Variants in TRIM44 observed in about 807,000 individuals in gnomAD.
TRIM44 encodes the protein tripartite motif-containing protein 44.
A neutral mutation model predicts 37.4 loss-of-function variants in TRIM44; 13 were observed. That is an observed-to-expected ratio of 0.35 (90% confidence interval 0.23 to 0.55). The LOEUF is 0.55. Among genes scored for constraint, TRIM44 ranks in the 20% least tolerant of loss-of-function variants. The pLI, the probability that TRIM44 is intolerant of heterozygous loss-of-function variation, is 0.89. For synonymous variants in TRIM44, 175 were observed against 157.2 expected (o/e 1.11, Z -0.85); for missense variants, 426 against 437.2 (o/e 0.97, Z 0.23).
At chr11:35,683,839 T>A (rs917753468) in intron 1 of TRIM44, among the ~76,000 whole-genome samples, 2 of 151,884 alleles carry the variant, frequency 1.3e-5, no homozygotes, top group African/African-American at 2.4e-5. Flanking sequence ...ATGCTGGGCA[T>A]AAGAGATACA....
chr11:35,804,489 G>A (rs185318450), intron 4 of TRIM44, among the ~76,000 whole-genome samples: 10 of 152,266 alleles, frequency 6.6e-5, no homozygotes, highest in Non-Finnish European at 1.2e-4. Flanking sequence ...TATGTCTCAC[G>A]TTAAGAATGC....
rs561584835 is a variant in TRIM44 at position 35,755,786 on chromosome 11, C to T, written c.1007+20341C>T. 1.5e-4 allele frequency among the ~76,000 whole-genome samples: 23 copies of T among 152,178 alleles called. No individual in the cohort carries two copies. In the East Asian group the frequency reaches 1.9e-3, roughly 13 times the overall value. ...AATCCTTTCCCCATTGCTTGTTTTT[C>T]TCAGGTTTGTCAAAGATCAGATAGT... On this transcript the variant is annotated intron_variant, in intron 4 of 4. Transcript: ENST00000299413.
chr11:35,682,649 T>C (rs1005687836), intron 1 of TRIM44, among the ~76,000 whole-genome samples: 2 of 152,118 alleles, frequency 1.3e-5, no homozygotes, highest in African/African-American at 4.8e-5. Flanking sequence ...GTGGAACAGG[T>C]GAGTTTCCTG....
chr11:35,809,896 C>A lies in TRIM44; in HGVS notation c.*3511C>A, dbSNP rs1360922097. On this transcript the variant is annotated 3_prime_UTR_variant, in exon 5 of 5. Transcript: ENST00000299413. ...ACATACATGTCCGCACACACACACACAATATTTGAGAGCTAAGGAAAACTC... is the reference window on the plus strand; with the variant it reads ...ACATACATGTCCGCACACACACACAAAATATTTGAGAGCTAAGGAAAACTC... 1.3e-5 allele frequency: 2 copies of A among 152,026 alleles called. No homozygotes were observed. Among genetic ancestry groups the A allele is most frequent in the Non-Finnish European group, 2.9e-5 (2 of 67,994 alleles). The allele number at this position is 152,026 out of a possible 1,614,324, so 9.4% of individuals were successfully genotyped here. A position where few individuals can be genotyped will look rare whatever the true frequency, so the allele number is the denominator to read the frequency against.
At position 35,800,573 on chromosome 11, in the gene TRIM44, C is replaced by G. The variant is rs957507574; in HGVS notation, c.1008-5785C>G. ...GCATTTACAATCCTTTAGCTAGACA[C>G]AGAAAAGTTCTCCAACTTCCCACTC... On this transcript the variant is annotated intron_variant, in intron 4 of 4. Coordinates refer to ENST00000299413, the MANE Select transcript of TRIM44 (RefSeq NM_017583.6). 5.3e-5 allele frequency among the ~76,000 whole-genome samples: 8 copies of G among 152,172 alleles called. 1 individual carries two copies. The highest frequency in any genetic ancestry group is 1.0e-4 in the Non-Finnish European group (7 of 68,038).
chr11:35,683,536 T>C (rs1323875751), intron 1 of TRIM44, among the ~76,000 whole-genome samples: 1 of 152,170 alleles, frequency 6.6e-6, no homozygotes, highest in Non-Finnish European at 1.5e-5. Flanking sequence ...TTATCACAGA[T>C]CCAGAGGCCA....
At chr11:35,755,178 C>A (rs556125973) in intron 4 of TRIM44, among the ~76,000 whole-genome samples, 1 of 152,146 alleles carries the variant, frequency 6.6e-6, no homozygotes, top group African/African-American at 2.4e-5. Context: ...TGTTTCCTGA[C>A]TTTTTAATGA....
chr11:35,776,891 G>T (rs1023267455), intron 4 of TRIM44, among the ~76,000 whole-genome samples: 2 of 152,194 alleles, frequency 1.3e-5, no homozygotes, highest in Non-Finnish European at 2.9e-5. Flanking sequence ...GGTCAATTTT[G>T]GAATAAGTGC....
chr11:35,662,928 T>A lies in TRIM44; in HGVS notation c.-184T>A, dbSNP rs1387416731. ...GAGCAGGCCGAGCCGGCGGAAAGGG[T>A]CTTTGCTGCTGCGCCCGGGCAGGGG... On this transcript the variant is annotated 5_prime_UTR_variant, in exon 1 of 5. Transcript: ENST00000299413. 1 of 1,023,438 alleles carries A rather than the reference T, an allele frequency of 9.8e-7. No individual in the cohort carries two copies. Among genetic ancestry groups the A allele is most frequent in the East Asian group, 3.0e-5 (1 of 33,508 alleles). 63.4% of individuals were successfully genotyped at this position (1,023,438 alleles called of 1,614,324 possible). A position where few individuals can be genotyped will look rare whatever the true frequency, so the allele number is the denominator to read the frequency against.
intron 4 of TRIM44, among the ~76,000 whole-genome samples, chr11:35,757,910 T>G (rs11500303): frequency 0.14 from 21,157 of 152,234 alleles, 1,588 homozygotes; most frequent in African/African-American, 0.18. Flanking sequence ...AGGAGTACTT[T>G]ACTTCCCACT....
intron 2 of TRIM44, among the ~76,000 whole-genome samples, chr11:35,721,753 A>G (rs1357651703): frequency 1.3e-5 from 2 of 152,200 alleles, no homozygotes; most frequent in Admixed American, 1.3e-4. Context: ...TTGGTAGTGG[A>G]ATGCTGTTCA....
In TRIM44 at chr11:35,662,804, G is replaced by C. The variant is rs114876670; in HGVS notation, c.-308G>C. ...GCTGCCGCGATCTCTCCCTGGTAGC[G>C]GGAGGCTGAGCGGGCGGCGCGACGC... On this transcript the variant is annotated 5_prime_UTR_variant, in exon 1 of 5. Transcript: ENST00000299413. 5.3e-5 allele frequency: 13 copies of C among 247,162 alleles called. No homozygotes were observed. Among genetic ancestry groups the C allele is most frequent in the African/African-American group, 2.7e-4 (12 of 44,454 alleles). The allele number at this position is 247,162 out of a possible 1,614,324, so 15.3% of individuals were successfully genotyped here.
rs1055506611 is a variant in TRIM44, at chr11:35,757,229, G to C, written c.1007+21784G>C. ...TTCAGCTTCTTCCTGGTTTAGTCTTGGGAGGGCGTATGTGTTGAGGAATTT... is the reference window on the plus strand; with the variant it reads ...TTCAGCTTCTTCCTGGTTTAGTCTTCGGAGGGCGTATGTGTTGAGGAATTT... On this transcript the variant is annotated intron_variant, in intron 4 of 4. Transcript: ENST00000299413. Among the ~76,000 whole-genome samples the C allele has an allele frequency of 8.5e-5, 13 of 152,270 alleles. No homozygotes were observed. In the Middle Eastern group the frequency reaches 0.01, roughly 120 times the overall value.
At chr11:35,710,149 T>G (rs141433357) in intron 2 of TRIM44, among the ~76,000 whole-genome samples, 1 of 152,270 alleles carries the variant, frequency 6.6e-6, no homozygotes, top group East Asian at 1.9e-4. Context: ...AAATTAAGTT[T>G]TCAATCTTGT....
chr11:35,726,737 T>C (rs753394524), intron 3 of TRIM44, among the ~76,000 whole-genome samples: 4 of 151,886 alleles, frequency 2.6e-5, no homozygotes, highest in Non-Finnish European at 4.4e-5. Flanking sequence ...TGAATCACTA[T>C]ACAAATGTTA....
At chr11:35,734,565 A>G (rs1481268261) in intron 3 of TRIM44, among the ~76,000 whole-genome samples, 10 of 152,162 alleles carry the variant, frequency 6.6e-5, no homozygotes, top group South Asian at 4.1e-4. Flanking sequence ...CTACCCTTCA[A>G]TGGCTAAAAA....
At chr11:35,769,897 T>G (rs1423672265) in intron 4 of TRIM44, among the ~76,000 whole-genome samples, 3 of 152,098 alleles carry the variant, frequency 2.0e-5, no homozygotes, top group Non-Finnish European at 4.4e-5. Flanking sequence ...ATGAATTTAT[T>G]TATTTTTTTT....
intron 3 of TRIM44, among the ~76,000 whole-genome samples, chr11:35,732,261 T>G (rs897860713): frequency 6.6e-6 from 1 of 152,166 alleles, no homozygotes; most frequent in South Asian, 2.1e-4. Context: ...ACATTTCCAC[T>G]GGTGGAGGTA....
chr11:35,788,980 G>C (rs963665748), intron 4 of TRIM44, among the ~76,000 whole-genome samples: 1 of 152,068 alleles, frequency 6.6e-6, no homozygotes, highest in African/African-American at 2.4e-5. Flanking sequence ...TTCAGCCTGA[G>C]GCCCTAAAAA....
Sources: gnomAD v4.1 joint callset for allele counts (sites outside exome capture counted in the v4.1 genomes callset) on GRCh38, gnomAD v4.1.1 for gene constraint, MANE v1.5 for transcripts, NCBI Gene and HGNC (gene_info 2026-07-23, HGNC 2026-07-21) for gene names.